The following TP63 variants were observed in gnomAD, a reference collection of about 807,000 sequenced individuals.
TP63 encodes the protein tumor protein p63, also known as tumor protein 63.
A neutral mutation model predicts 82.8 loss-of-function variants in TP63; 17 were observed. That is an observed-to-expected ratio of 0.21 (90% confidence interval 0.14 to 0.31). The LOEUF is 0.31. Among genes scored for constraint, TP63 ranks in the 10% least tolerant of loss-of-function variants. The pLI is 1.00. For synonymous variants in TP63, 330 were observed against 321.7 expected, an observed-to-expected ratio of 1.03 and a Z score of -0.28; for missense variants, 648 against 895.3, an observed-to-expected ratio of 0.72 and a Z score of 3.52.
chr3:189,826,045 A>T (rs934714288), intron 4 of TP63, among the ~76,000 whole-genome samples: 2 of 152,222 alleles, frequency 1.3e-5, no homozygotes, highest in Admixed American at 6.5e-5. Flanking sequence ...AAAATAGGAA[A>T]TGGTGAGAAA....
chr3:189,598,761 A>G, the TP63 span, among the ~76,000 whole-genome samples: 2 of 152,250 alleles, frequency 1.3e-5, no homozygotes, highest in Non-Finnish European at 2.9e-5. Context: ...CAGGATATGC[A>G]AGGTCAAAGG....
chr3:189,843,267 C>T (rs1197311769), intron 4 of TP63, among the ~76,000 whole-genome samples: 1 of 150,656 alleles, frequency 6.6e-6, no homozygotes, highest in Non-Finnish European at 1.5e-5. Flanking sequence ...TCGCCCCACT[C>T]CCACCACCTG....
intron 1 of TP63, among the ~76,000 whole-genome samples, chr3:189,702,333 T>C (rs1285354582): frequency 6.6e-6 from 1 of 152,190 alleles, no homozygotes; most frequent in Non-Finnish European, 1.5e-5. Context: ...TAAGCCAAAA[T>C]GATTCAAATT....
chr3:189,761,962 G>A (rs1391092643), intron 3 of TP63, among the ~76,000 whole-genome samples: 1 of 152,108 alleles, frequency 6.6e-6, no homozygotes, highest in Non-Finnish European at 1.5e-5. Context: ...AGAACAGCAT[G>A]GGAAAGACCT....
intron 1 of TP63, among the ~76,000 whole-genome samples, chr3:189,692,540 A>G (rs1286446867): frequency 2.6e-5 from 4 of 152,188 alleles, no homozygotes; most frequent in Non-Finnish European, 5.9e-5. Flanking sequence ...CAGTAATCAC[A>G]GTGAAAAAAT....
intron 4 of TP63, among the ~76,000 whole-genome samples, chr3:189,837,477 C>T (rs1273101453): frequency 6.6e-6 from 1 of 151,980 alleles, no homozygotes; most frequent in African/African-American, 2.4e-5. Flanking sequence ...AAATTTAAAT[C>T]TTAAATTAAG....
intron 1 of TP63, among the ~76,000 whole-genome samples, chr3:189,672,063 A>G (rs765802530): frequency 6.6e-6 from 1 of 152,182 alleles, no homozygotes; most frequent in Non-Finnish European, 1.5e-5. Flanking sequence ...CACAACACAA[A>G]GAAATGATAA....
At chr3:189,842,203 AC>A (rs1257985306) in intron 4 of TP63, among the ~76,000 whole-genome samples, 1 of 152,076 alleles carries the variant, frequency 6.6e-6, no homozygotes, top group Non-Finnish European at 1.5e-5. Context: ...GGGGGTTGCA[AC>A]GTATTGTCTT....
rs528938622 is a variant in TP63, at chr3:189,748,606, C to T, written c.324+9832C>T. The stretch of plus-strand genomic sequence containing the variant: ...GAAGAATGAAAATTGTTAAAATGAC[C>T]ATGCTGCCCAAAGCAATCTATAGAT... On this transcript the variant is annotated intron_variant, in intron 3 of 13. Coordinates refer to ENST00000264731, the MANE Select transcript of TP63 (RefSeq NM_003722.5). Among the ~76,000 whole-genome samples the T allele has an allele frequency of 2.4e-4, 36 of 149,234 alleles. 1 individual carries two copies. The South Asian group carries it at 7.2e-3, about 30-fold the overall frequency.
chr3:189,700,895 A>T (rs575495551), intron 1 of TP63, among the ~76,000 whole-genome samples: 1 of 152,362 alleles, frequency 6.6e-6, no homozygotes, highest in African/African-American at 2.4e-5. Flanking sequence ...GAACATAAAA[A>T]GGTATGGATC....
chr3:189,841,796 A>G (rs545104279), intron 4 of TP63, among the ~76,000 whole-genome samples: 2 of 152,332 alleles, frequency 1.3e-5, no homozygotes, highest in East Asian at 3.9e-4. Context: ...GTGTGGAAGC[A>G]TAGACAATAA....
chr3:189,598,119 C>G, the TP63 span, among the ~76,000 whole-genome samples: 1 of 151,672 alleles, frequency 6.6e-6, no homozygotes, highest in Non-Finnish European at 1.5e-5. Flanking sequence ...AATGACAGGT[C>G]AGCATAAAAT....
chr3:189,855,714 G>A (rs547461780), intron 4 of TP63, among the ~76,000 whole-genome samples: 1 of 151,402 alleles, frequency 6.6e-6, no homozygotes, highest in African/African-American at 2.4e-5. Context: ...GTGTGTGTGT[G>A]TATGTATGTA....
At chr3:189,802,068 A>C (rs533033024) in intron 3 of TP63, among the ~76,000 whole-genome samples, 12 of 152,342 alleles carry the variant, frequency 7.9e-5, no homozygotes, top group African/African-American at 2.9e-4. Context: ...TAATTCTAGC[A>C]TAAAAGAAAC....
At chr3:189,768,100 C>T (rs1399296826) in intron 3 of TP63, among the ~76,000 whole-genome samples, 1 of 152,088 alleles carries the variant, frequency 6.6e-6, no homozygotes, top group African/African-American at 2.4e-5. Context: ...AAACCCCCCG[C>T]GTGTATGAAT....
intron 1 of TP63, among the ~76,000 whole-genome samples, chr3:189,717,890 G>A (rs932061815): frequency 6.6e-6 from 1 of 152,180 alleles, no homozygotes; most frequent in Admixed American, 6.5e-5. Flanking sequence ...AAATGCAAGG[G>A]ATAGAATTAA....
chr3:189,871,765 A>G (rs994810325), intron 9 of TP63, among the ~76,000 whole-genome samples: 4 of 152,152 alleles, frequency 2.6e-5, no homozygotes, highest in Non-Finnish European at 5.9e-5. Flanking sequence ...TTTGTTGCCC[A>G]GGTTGGAGTG....
chr3:189,672,089 A>T (rs1233249083), intron 1 of TP63, among the ~76,000 whole-genome samples: 1 of 152,114 alleles, frequency 6.6e-6, no homozygotes, highest in Admixed American at 6.6e-5. Flanking sequence ...TCAAGTGATA[A>T]ATATATTAGT....
At chr3:189,887,138 G>A (rs4101509) in intron 11 of TP63, among the ~76,000 whole-genome samples, 4,027 of 151,396 alleles carry the variant, frequency 0.027, 186 homozygotes, top group African/African-American at 0.09. Context: ...GAACCCGGGA[G>A]GCAGAGGTTG....
Sources: gnomAD v4.1 joint callset for allele counts (sites outside exome capture counted in the v4.1 genomes callset) on GRCh38, gnomAD v4.1.1 for gene constraint, MANE v1.5 for transcripts, NCBI Gene and HGNC (gene_info 2026-07-23, HGNC 2026-07-21) for gene names.